PTPRJ: variants seen among roughly 807,000 people sequenced by gnomAD.
PTPRJ encodes receptor-type tyrosine-protein phosphatase eta.
A neutral mutation model predicts 141.3 loss-of-function variants in PTPRJ; 129 were observed. The ratio of observed to expected loss-of-function variants is 0.91; its 90% CI spans 0.79 to 1.06. The LOEUF is 1.06. Among genes scored for constraint, PTPRJ ranks in the 50% least tolerant of loss-of-function variants. The pLI is 0.00. For missense variants in PTPRJ, 1,601 were observed against 1,679.7 expected (o/e 0.95, Z 0.82); for synonymous variants, 610 against 640.5 (o/e 0.95, Z 0.72).
chr11:48,031,696 A>T (rs1590419603), intron 1 of PTPRJ, among the ~76,000 whole-genome samples: 2 of 152,158 alleles, frequency 1.3e-5, no homozygotes, highest in African/African-American at 4.8e-5. Context: ...GGAATGCAGG[A>T]TTGGCAACAT....
intron 22 of PTPRJ, among the ~76,000 whole-genome samples, chr11:48,161,929 A>G (rs1857792703): frequency 6.6e-6 from 1 of 152,002 alleles, no homozygotes; most frequent in African/African-American, 2.4e-5. Flanking sequence ...GCTTATTTCT[A>G]TAGATTTTGC....
intron 1 of PTPRJ, among the ~76,000 whole-genome samples, chr11:48,037,383 G>A (rs1854153904): frequency 6.6e-6 from 1 of 152,164 alleles, no homozygotes; most frequent in South Asian, 2.1e-4. Context: ...AGCGCTTACA[G>A]CATTTGAAGG....
intron 1 of PTPRJ, among the ~76,000 whole-genome samples, chr11:48,024,197 C>T (rs563336852): frequency 1.5e-3 from 222 of 151,736 alleles, no homozygotes; most frequent in Middle Eastern, 0.01. Context: ...CATTTTTTTT[C>T]TTTCTTTCTT....
chr11:48,100,306 C>T (rs1856119570), intron 1 of PTPRJ, among the ~76,000 whole-genome samples: 1 of 152,156 alleles, frequency 6.6e-6, no homozygotes, highest in Non-Finnish European at 1.5e-5. Context: ...TCTGGCCCTG[C>T]TTTATCCTAG....
At position 48,149,490 on chromosome 11, in the gene PTPRJ, T is replaced by C. The variant is rs989371892; in HGVS notation, c.3041+2T>C. 6.7e-7 allele frequency: 1 copy of C among 1,490,620 alleles called. No individual in the cohort carries two copies. Among genetic ancestry groups the C allele is most frequent in the Non-Finnish European group, 9.2e-7 (1 of 1,082,970 alleles). 92.3% of individuals were successfully genotyped at this position (1,490,620 alleles called of 1,614,324 possible). ...TGAAGTGTCCTTTTCTCAAATTAAGTAAGTCTCTCAAATTATGAGCTTTAT... is the reference window on the plus strand; with the variant it reads ...TGAAGTGTCCTTTTCTCAAATTAAGCAAGTCTCTCAAATTATGAGCTTTAT... On this transcript the variant is annotated splice_donor_variant, in intron 16 of 24. Coordinates refer to ENST00000418331, the MANE Select transcript of PTPRJ (RefSeq NM_002843.4). LOFTEE classifies it high-confidence loss of function.
rs780190378 is a variant in PTPRJ at position 48,139,528 on chromosome 11, A to G, written c.2195A>G (p.Lys732Arg). Reference protein sequence around the residue: ...MASFDCEVVPKEPALVLKWTC... With the variant: ...MASFDCEVVPREPALVLKWTC... ...TCCTTCGACTGCGAAGTGGTCCCCA[A>G]AGAGCCAGCCCTGGTTCTCAAATGG... The change falls in exon 11 of 25, where the codon AAA becomes AGA. Residue 732 changes from lysine to arginine, a missense_variant. Coordinates refer to ENST00000418331, the MANE Select transcript of PTPRJ (RefSeq NM_002843.4). 12 of 1,614,056 alleles carry G rather than the reference A, an allele frequency of 7.4e-6. No individual in the cohort carries two copies. The highest frequency in any genetic ancestry group is 1.7e-5 in the Admixed American group (1 of 60,010).
At chr11:48,143,795 C>T in intron 12 of PTPRJ, among the ~76,000 whole-genome samples, 1 of 125,024 alleles carries the variant, frequency 8.0e-6, no homozygotes, top group Non-Finnish European at 1.7e-5. Context: ...CCTCCTCCCC[C>T]TCCCCTCTCC....
At chr11:48,079,891 A>G (rs1855515522) in intron 1 of PTPRJ, among the ~76,000 whole-genome samples, 1 of 152,172 alleles carries the variant, frequency 6.6e-6, no homozygotes, top group Admixed American at 6.5e-5. Context: ...TAAATGTTAA[A>G]AGATACAAAG....
rs946578093 is a variant in PTPRJ at position 48,143,166 on chromosome 11, G to GC, written c.2575+118dup. ...GACACACGCCTGTCTTCTCACTGCA[G>GC]CCTATGCTGTGTACTCAGACAGAGA... On this transcript the variant is annotated intron_variant, in intron 12 of 24. Coordinates refer to ENST00000418331, the MANE Select transcript of PTPRJ (RefSeq NM_002843.4). 8.1e-5 allele frequency: 111 copies of GC among 1,364,284 alleles called. No homozygotes were observed. In the African/African-American group the frequency reaches 1.2e-3, roughly 15 times the overall value. The allele number at this position is 1,364,284 out of a possible 1,614,324, so 84.5% of individuals were successfully genotyped here.
At chr11:47,999,256 C>A (rs543303142) in intron 1 of PTPRJ, among the ~76,000 whole-genome samples, 1 of 152,318 alleles carries the variant, frequency 6.6e-6, no homozygotes, top group East Asian at 1.9e-4. Flanking sequence ...TATTTGCTGT[C>A]TTTGGCTGCA....
Position 48,123,496 on chromosome 11 carries a change from A to G in PTPRJ, c.617-117A>G, listed in dbSNP as rs148854260. 956 of 1,038,094 alleles carry G rather than the reference A, an allele frequency of 9.2e-4. 6 individuals carry two copies. Among genetic ancestry groups the G allele is most frequent in the South Asian group, 6.4e-3 (375 of 58,622 alleles). 64.3% of individuals were successfully genotyped at this position (1,038,094 alleles called of 1,614,324 possible). A position where few individuals can be genotyped will look rare whatever the true frequency, so the allele number is the denominator to read the frequency against. ...GTCACATTGGGACATCAGTGACCTC[A>G]GTCATTCTTTCTTTTTTTCTTTTAA... On this transcript the variant is annotated intron_variant, in intron 4 of 24. Coordinates refer to ENST00000418331, the MANE Select transcript of PTPRJ (RefSeq NM_002843.4).
intron 1 of PTPRJ, among the ~76,000 whole-genome samples, chr11:48,020,055 C>T (rs1855070971): frequency 1.3e-5 from 2 of 152,156 alleles, no homozygotes; most frequent in African/African-American, 4.8e-5. Flanking sequence ...CTATGCTGTT[C>T]CAGTATTTAT....
Position 47,980,804 on chromosome 11 carries a change from G to GAGGAGGAGGCGAAGGAGACGGC in PTPRJ, c.-102_-81dup. 3 of 1,041,936 alleles carry GAGGAGGAGGCGAAGGAGACGGC rather than the reference G, an allele frequency of 2.9e-6. No individual in the cohort carries two copies. The highest frequency in any genetic ancestry group is 3.5e-6 in the Non-Finnish European group (3 of 868,982). 64.5% of individuals were successfully genotyped at this position (1,041,936 alleles called of 1,614,324 possible). Reference sequence around the variant, plus strand: ...CGGGGACGAGGCGGACCGGCTGGCGGAGGAGGAGGCGAAGGAGACGGCAGG... The same window carrying GAGGAGGAGGCGAAGGAGACGGC: ...CGGGGACGAGGCGGACCGGCTGGCGGAGGAGGAGGCGAAGGAGACGGCAGGAGGAGGCGAAGGAGACGGCAGG... On this transcript the variant is annotated 5_prime_UTR_variant, in exon 1 of 25. Transcript: ENST00000418331.
At chr11:48,151,366 C>G (rs1267155487) in intron 18 of PTPRJ, among the ~76,000 whole-genome samples, 1 of 150,982 alleles carries the variant, frequency 6.6e-6, no homozygotes, top group African/African-American at 2.4e-5. Flanking sequence ...CTCTTTGTCT[C>G]TTTTCCTCCT....
chr11:48,155,660 A>G (rs151011005), intron 19 of PTPRJ, 141 bp from the exon 20 acceptor site: 6 of 665,054 alleles, frequency 9.0e-6, no homozygotes, highest in Admixed American at 2.9e-5. Context: ...GAGGTGGTCT[A>G]TATGAAATGC....
chr11:48,144,891 GTCT>G lies in PTPRJ; in HGVS notation c.2786+10_2786+12del, dbSNP rs764847004. On this transcript the variant is annotated splice_region_variant and intron_variant, in intron 13 of 24. Coordinates refer to ENST00000418331, the MANE Select transcript of PTPRJ (RefSeq NM_002843.4). ...GAACCTCTGGGCTCCTACCGGTAAT[GTCT>G]TCTGGTTCTTACTCTTTGGGGGCTG... 36 of 1,614,150 alleles carry G rather than the reference GTCT, an allele frequency of 2.2e-5. No individual in the cohort carries two copies. In the African/African-American group the frequency reaches 4.5e-4, roughly 20 times the overall value.
intron 1 of PTPRJ, among the ~76,000 whole-genome samples, chr11:48,062,782 A>G (rs558144282): frequency 1.3e-5 from 2 of 152,204 alleles, no homozygotes; most frequent in African/African-American, 2.4e-5. Flanking sequence ...CCTCCCTGCC[A>G]ACTTTTCCAA....
chr11:48,002,543 T>C (rs1318315704), intron 1 of PTPRJ, among the ~76,000 whole-genome samples: 1 of 152,212 alleles, frequency 6.6e-6, no homozygotes, highest in African/African-American at 2.4e-5. Flanking sequence ...ATTGTGACTA[T>C]GATCAGTATA....
rs766115901 is a variant in PTPRJ, at chr11:48,156,075, G to A, written c.3394G>A (p.Val1132Ile). Residue 1132 changes from valine (V) to isoleucine (I), a missense_variant, in exon 21 of 25, where the codon GTA becomes ATA. Coordinates refer to ENST00000418331, the MANE Select transcript of PTPRJ (RefSeq NM_002843.4). ...DFWRMVWEKN[V>I]YAIIMLTKCV... is the part of the protein sequence containing the mutation. The stretch of plus-strand genomic sequence containing the variant: ...TTGGCGTATGGTTTGGGAGAAAAAT[G>A]TATATGCCATCATTATGTTGACTAA... 14 of 1,599,226 alleles carry A rather than the reference G, an allele frequency of 8.8e-6. No homozygotes were observed. Among genetic ancestry groups the A allele is most frequent in the Non-Finnish European group, 1.2e-5 (14 of 1,166,468 alleles).
Sources: gnomAD v4.1 joint callset for allele counts (sites outside exome capture counted in the v4.1 genomes callset) on GRCh38, gnomAD v4.1.1 for gene constraint, MANE v1.5 for transcripts, NCBI Gene and HGNC (gene_info 2026-07-23, HGNC 2026-07-21) for gene names.